Variants in PPM1L observed in about 807,000 individuals in gnomAD.
PPM1L encodes protein phosphatase 1L.
Under a neutral mutation model 31.4 loss-of-function variants are expected in PPM1L, and 13 were observed. The ratio of observed to expected loss-of-function variants is 0.41; its 90% CI spans 0.27 to 0.66. The LOEUF is 0.66. Ranked by LOEUF, PPM1L falls within the 30% of genes least tolerant of loss-of-function variation. The pLI is 0.29. For synonymous variants in PPM1L, 184 were observed against 175.4 expected (o/e 1.05, Z -0.39); for missense variants, 326 against 453.7 (o/e 0.72, Z 2.56).
intron 1 of PPM1L, among the ~76,000 whole-genome samples, chr3:160,904,613 C>T (rs1331456974): frequency 2.0e-5 from 3 of 152,020 alleles, no homozygotes; most frequent in Admixed American, 2.0e-4. Flanking sequence ...TTGACCTTGC[C>T]TTGTTAAGGT....
intron 2 of PPM1L, among the ~76,000 whole-genome samples, chr3:160,991,997 A>G (rs1392609953): frequency 2.0e-5 from 3 of 152,216 alleles, no homozygotes; most frequent in Non-Finnish European, 4.4e-5. Flanking sequence ...AACAACCCTA[A>G]GATGTAAGTA....
At chr3:160,783,250 T>TA (rs918072634) in intron 1 of PPM1L, among the ~76,000 whole-genome samples, 14 of 151,818 alleles carry the variant, frequency 9.2e-5, no homozygotes, top group Admixed American at 5.2e-4. Context: ...ATTAGCACAT[T>TA]AAAAAAAATG....
chr3:161,010,722 G>A (rs1717865953), intron 2 of PPM1L, among the ~76,000 whole-genome samples: 2 of 152,154 alleles, frequency 1.3e-5, no homozygotes, highest in African/African-American at 2.4e-5. Context: ...CTTTCTAACT[G>A]GTGTGAGATG....
At chr3:161,027,098 T>C (rs1718422522) in intron 2 of PPM1L, among the ~76,000 whole-genome samples, 1 of 152,212 alleles carries the variant, frequency 6.6e-6, no homozygotes, top group Non-Finnish European at 1.5e-5. Context: ...CAGCTTTAAA[T>C]AAGCTAACTG....
chr3:160,943,691 A>C (rs770231973), intron 1 of PPM1L, among the ~76,000 whole-genome samples: 19 of 152,178 alleles, frequency 1.2e-4, no homozygotes, highest in Non-Finnish European at 2.4e-4. Flanking sequence ...CATTTCATTT[A>C]ATTGATAGTA....
chr3:160,954,249 T>C (rs1329354278), intron 1 of PPM1L, among the ~76,000 whole-genome samples: 3 of 152,138 alleles, frequency 2.0e-5, no homozygotes, highest in Admixed American at 6.5e-5. Context: ...TGGAAAACTT[T>C]AGAGAGAAAA....
intron 1 of PPM1L, among the ~76,000 whole-genome samples, chr3:160,942,801 A>G (rs1328504215): frequency 6.6e-6 from 1 of 152,242 alleles, no homozygotes; most frequent in Non-Finnish European, 1.5e-5. Context: ...CATCATAGAT[A>G]TAAAGCTACC....
At chr3:160,844,985 A>G (rs1035093056) in intron 1 of PPM1L, among the ~76,000 whole-genome samples, 4 of 152,072 alleles carry the variant, frequency 2.6e-5, no homozygotes, top group Admixed American at 2.6e-4. Flanking sequence ...TGGACATTTT[A>G]TATAAATAGA....
intron 2 of PPM1L, among the ~76,000 whole-genome samples, chr3:160,977,400 G>T (rs1242327230): frequency 6.6e-6 from 1 of 152,174 alleles, no homozygotes; most frequent in Non-Finnish European, 1.5e-5. Flanking sequence ...GCTACGTGCC[G>T]AGAGTCTAAG....
chr3:160,934,234 C>A (rs1714883743), intron 1 of PPM1L, among the ~76,000 whole-genome samples: 1 of 152,156 alleles, frequency 6.6e-6, no homozygotes. Context: ...TTTCTGTGCT[C>A]CCCACCCCAA....
At chr3:160,926,959 A>G (rs1285240026) in intron 1 of PPM1L, among the ~76,000 whole-genome samples, 1 of 152,238 alleles carries the variant, frequency 6.6e-6, no homozygotes, top group Admixed American at 6.5e-5. Flanking sequence ...ATAAATAATC[A>G]TTGATCCTCA....
At chr3:161,005,658 G>A (rs979950619) in intron 2 of PPM1L, among the ~76,000 whole-genome samples, 1 of 152,116 alleles carries the variant, frequency 6.6e-6, no homozygotes, top group Non-Finnish European at 1.5e-5. Flanking sequence ...TCAAACAGTG[G>A]TATATACTTT....
intron 1 of PPM1L, among the ~76,000 whole-genome samples, chr3:160,897,867 T>G (rs1212417088): frequency 6.6e-6 from 1 of 152,226 alleles, no homozygotes; most frequent in African/African-American, 2.4e-5. Flanking sequence ...CAGTCACTCT[T>G]GCACCCTGTC....
intron 2 of PPM1L, among the ~76,000 whole-genome samples, chr3:161,003,435 A>G (rs199766001): frequency 0.63 from 94,238 of 150,466 alleles, 31,982 homozygotes; most frequent in East Asian, 0.98. Context: ...TGGGCAGTAT[A>G]GCCATTTTCA....
chr3:160,875,784 T>A (rs1712487640), intron 1 of PPM1L, among the ~76,000 whole-genome samples: 1 of 152,194 alleles, frequency 6.6e-6, no homozygotes. Context: ...GGGATTTGTA[T>A]CCAGGGCTAT....
chr3:160,756,511 A>G lies in PPM1L; in HGVS notation c.203A>G (p.Gln68Arg), dbSNP rs1714807980. 2 of 1,614,166 alleles carry G rather than the reference A, an allele frequency of 1.2e-6. No individual in the cohort carries two copies. The highest frequency in any genetic ancestry group is 1.7e-6 in the Non-Finnish European group (2 of 1,180,016). Residue 68 changes from glutamine (Q) to arginine (R), a missense_variant, in exon 1 of 4, where the codon CAG becomes CGG. Around this residue, in one of 3 missense-constraint regions of PPM1L, gnomAD observed 83 missense variants for 79.4 expected, o/e 1.04. Transcript: ENST00000498165. This position sits in a 1 kb window ranked among gnomAD's most constrained non-coding sequence, Gnocchi z 6.2. Reference protein sequence around the residue: ...MVKGKVAEIMQNDRLGGLDVL... With the variant: ...MVKGKVAEIMRNDRLGGLDVL... ...AAGGGCAAGGTAGCCGAGATCATGC[A>G]GAACGATCGACTCGGGGGGCTTGAT...
At chr3:160,871,029 A>G (rs1712284664) in intron 1 of PPM1L, among the ~76,000 whole-genome samples, 1 of 152,238 alleles carries the variant, frequency 6.6e-6, no homozygotes, top group African/African-American at 2.4e-5. Context: ...CTGGAAGTTT[A>G]AATAGATAAC....
chr3:160,787,775 AT>A (rs1477717737), intron 1 of PPM1L, among the ~76,000 whole-genome samples: 1 of 152,142 alleles, frequency 6.6e-6, no homozygotes, highest in Non-Finnish European at 1.5e-5. Context: ...TGATTTTTGT[AT>A]ATGGTGAAAG....
At chr3:160,997,924 A>G (rs1717375378) in intron 2 of PPM1L, among the ~76,000 whole-genome samples, 1 of 152,220 alleles carries the variant, frequency 6.6e-6, no homozygotes, top group African/African-American at 2.4e-5. Context: ...GCCAAGAACC[A>G]TATGAAGCAG....
Sources: allele counts gnomAD v4.1 joint callset (sites outside exome capture counted in the v4.1 genomes callset), GRCh38; gene constraint gnomAD v4.1.1; regional missense constraint gnomAD v4.1.1; non-coding constraint Gnocchi (gnomAD v3.1); transcripts MANE v1.5; gene names NCBI Gene and HGNC (gene_info 2026-07-23, HGNC 2026-07-21).